Variants in BROX observed in about 807,000 individuals in gnomAD.
The protein encoded by BROX is BRO1 domain and CAAX motif containing, also known as BRO1 domain-containing protein BROX.
Under a neutral mutation model 61.0 loss-of-function variants are expected in BROX, and 53 were observed. The ratio of observed to expected loss-of-function variants is 0.87; its 90% CI spans 0.70 to 1.09. The LOEUF (loss-of-function observed/expected upper bound fraction) is 1.09. BROX is among the 50% of genes least tolerant of loss of function. The probability of loss-of-function intolerance (pLI) is 0.00; values close to 1 mark genes in which losing one functional copy is unlikely to be tolerated. For synonymous variants in BROX, 152 were observed against 160.2 expected (o/e 0.95, Z 0.38); for missense variants, 489 against 472.0 (o/e 1.04, Z -0.33).
At position 222,729,880 on chromosome 1, in the gene BROX, C is replaced by T. The variant is rs138131363; in HGVS notation, c.839-147C>T. On this transcript the variant is annotated intron_variant, in intron 10 of 12. Transcript: ENST00000340934. ...ACCTAGAACCTGTAGAAAATACACA[C>T]CTTCTACTTACAGTATTATTATTGG... 6 of 965,566 alleles carry T rather than the reference C, an allele frequency of 6.2e-6. No homozygotes were observed. In the South Asian group the frequency reaches 7.0e-5, roughly 11 times the overall value. 59.8% of individuals were successfully genotyped at this position (965,566 alleles called of 1,614,324 possible).
At position 222,712,599 on chromosome 1, in the gene BROX, C is replaced by T; in HGVS notation, c.-360C>T. 7.4e-7 allele frequency: 1 copy of T among 1,346,594 alleles called. No homozygotes were observed. Among genetic ancestry groups the T allele is most frequent in the East Asian group, 3.4e-5 (1 of 29,114 alleles). 83.4% of individuals were successfully genotyped at this position (1,346,594 alleles called of 1,614,324 possible). ...GGGCCGCCATCGCTATTGCGGCATTCTCCCTCGGCTCCGGAGGTAGGGGCA... is the reference window on the plus strand; with the variant it reads ...GGGCCGCCATCGCTATTGCGGCATTTTCCCTCGGCTCCGGAGGTAGGGGCA... On this transcript the variant is annotated 5_prime_UTR_variant, in exon 1 of 13. Transcript: ENST00000340934.
chr1:222,715,848 G>T (rs1185502383), intron 2 of BROX, 48 bp downstream of exon 2: 2 of 1,164,180 alleles, frequency 1.7e-6, no homozygotes, highest in Non-Finnish European at 2.5e-6. Context: ...ACTTTTTTTG[G>T]TTCCATGGCA....
In BROX at chr1:222,716,496, A is replaced by C. The variant is rs74666938; in HGVS notation, c.101+696A>C. On this transcript the variant is annotated intron_variant, in intron 2 of 12. Coordinates refer to ENST00000340934, the MANE Select transcript of BROX (RefSeq NM_144695.4). ...GAAATGGCCTTCAAAGTGTTCACAC[A>C]GGAAAAAGTACTTGAGATAGGCCTT... is the stretch of plus-strand genomic sequence containing the variant. 1.5e-3 allele frequency among the ~76,000 whole-genome samples: 226 copies of C among 152,392 alleles called. 6 individuals carry two copies. In the South Asian group the frequency reaches 0.021, roughly 14 times the overall value.
At chr1:222,722,870 T>C (rs1657199585) in intron 5 of BROX, among the ~76,000 whole-genome samples, 1 of 152,224 alleles carries the variant, frequency 6.6e-6, no homozygotes, top group South Asian at 2.1e-4. Context: ...TTATAACGTA[T>C]ACTCTTATAA....
At chr1:222,729,421 G>T (rs982266916) in intron 9 of BROX, among the ~76,000 whole-genome samples, 199 bp from the exon 10 acceptor site, 1 of 152,034 alleles carries the variant, frequency 6.6e-6, no homozygotes, top group Non-Finnish European at 1.5e-5. Context: ...TCAGTACATG[G>T]TTAGAAGGCT....
chr1:222,731,563 A>G (rs1311548094), intron 12 of BROX, 47 bp downstream of exon 12: 5 of 1,541,872 alleles, frequency 3.2e-6, no homozygotes, highest in Admixed American at 2.3e-5. Flanking sequence ...AAAGTTTAAA[A>G]GAAAATTCAG....
At position 222,734,508 on chromosome 1, in the gene BROX, C is replaced by T. The variant is rs770691516; in HGVS notation, c.*1794C>T. ...TCAGTGAGGTTTTTTTCTTAACATA[C>T]AGAAGTACTAAATACTGCTTGCAGT... On this transcript the variant is annotated 3_prime_UTR_variant, in exon 13 of 13. Coordinates refer to ENST00000340934, the MANE Select transcript of BROX (RefSeq NM_144695.4). The T allele has an allele frequency of 1.4e-4, 21 of 151,960 alleles. No homozygotes were observed. Among genetic ancestry groups the T allele is most frequent in the Non-Finnish European group, 2.2e-4 (15 of 67,994 alleles). 9.4% of individuals were successfully genotyped at this position (151,960 alleles called of 1,614,324 possible). A position where few individuals can be genotyped will look rare whatever the true frequency, so the allele number is the denominator to read the frequency against.
chr1:222,729,377 A>C (rs1318441223), intron 9 of BROX, among the ~76,000 whole-genome samples: 1 of 152,108 alleles, frequency 6.6e-6, no homozygotes, highest in Non-Finnish European at 1.5e-5. Flanking sequence ...CTATTTCCTA[A>C]TTTTAAATAC....
intron 5 of BROX, among the ~76,000 whole-genome samples, chr1:222,723,002 A>G (rs1486826797): frequency 6.6e-6 from 1 of 152,218 alleles, no homozygotes; most frequent in Non-Finnish European, 1.5e-5. Flanking sequence ...TTAAATAATT[A>G]TAAAAGGTGA....
At chr1:222,732,092 T>G (rs1657977470) in intron 12 of BROX, among the ~76,000 whole-genome samples, 1 of 152,200 alleles carries the variant, frequency 6.6e-6, no homozygotes, top group Admixed American at 6.5e-5. Context: ...TAATTTCCTT[T>G]CCATATTAAA....
chr1:222,718,263 G>A (rs1656788019), intron 2 of BROX, among the ~76,000 whole-genome samples: 1 of 152,152 alleles, frequency 6.6e-6, no homozygotes, highest in South Asian at 2.1e-4. Flanking sequence ...TTTCAAGAAG[G>A]AAAAGGTGGA....
At chr1:222,727,607 G>A (rs371162995) in intron 8 of BROX, among the ~76,000 whole-genome samples, 6 of 152,234 alleles carry the variant, frequency 3.9e-5, no homozygotes, top group South Asian at 2.1e-4. Flanking sequence ...GAGATTGGGC[G>A]TAGAACACAG....
chr1:222,713,909 A>G (rs528278083), intron 1 of BROX: 1 of 152,202 alleles, frequency 6.6e-6, no homozygotes, highest in South Asian at 2.1e-4. Context: ...TTGGGTACAC[A>G]CTGTATTCTC....
chr1:222,718,966 C>G lies in BROX; in HGVS notation c.143C>G (p.Thr48Ser). The G allele has an allele frequency of 6.2e-7, 1 of 1,613,884 alleles. No homozygotes were observed. The highest frequency in any genetic ancestry group is 8.5e-7 in the Non-Finnish European group (1 of 1,179,892). Residue 48 changes from threonine to serine, a missense_variant, in exon 3 of 13, where the codon ACT (threonine) becomes AGT (serine). Transcript: ENST00000340934. The stretch of plus-strand genomic sequence containing the variant: ...AGGGCACGACTCCTTGAACTGTTCA[C>G]TGATTTGAGCTGTAATCCAGAAATG... ...SSRARLLELFTDLSCNPEMMK... is the reference protein window; with the variant it reads ...SSRARLLELFSDLSCNPEMMK...
At position 222,728,743 on chromosome 1, in the gene BROX, A is replaced by G. The variant is rs1657704299; in HGVS notation, c.671A>G (p.Asp224Gly). Reference sequence around the variant, plus strand: ...TTTGCTTTTTAAAATGTAACTTTAGATCATACTTTATCCAGTTTGGAGCCT... The same window carrying G: ...TTTGCTTTTTAAAATGTAACTTTAGGTCATACTTTATCCAGTTTGGAGCCT... ...YETANFYQKA[D>G]HTLSSLEPAY... The change falls in exon 9 of 13, where the codon GAT (aspartate) becomes GGT (glycine). Residue 224 changes from aspartate (D) to glycine (G), a missense_variant and splice_region_variant. Physicochemically the swap from Asp to Gly is moderately conservative, Grantham distance 94. Coordinates refer to ENST00000340934, the MANE Select transcript of BROX (RefSeq NM_144695.4). 4 of 1,578,740 alleles carry G rather than the reference A, an allele frequency of 2.5e-6. No individual in the cohort carries two copies. The highest frequency in any genetic ancestry group is 3.5e-6 in the Non-Finnish European group (4 of 1,153,856).
At chr1:222,728,527 C>T (rs186784487) in intron 8 of BROX, among the ~76,000 whole-genome samples, 5 of 152,024 alleles carry the variant, frequency 3.3e-5, no homozygotes, top group African/African-American at 1.2e-4. Flanking sequence ...TATTAACCAT[C>T]AAATCAAAGA....
intron 4 of BROX, among the ~76,000 whole-genome samples, chr1:222,720,412 C>T (rs1656986436): frequency 6.6e-6 from 1 of 151,954 alleles, no homozygotes; most frequent in South Asian, 2.1e-4. Context: ...ATTAAAAAGA[C>T]TTTTTTAAAG....
intron 4 of BROX, 78 bp downstream of exon 4, chr1:222,719,437 T>C (rs1656899282): frequency 3.0e-6 from 3 of 1,002,662 alleles, no homozygotes; most frequent in Non-Finnish European, 4.6e-6. Flanking sequence ...ATAGCCTTTG[T>C]ATTTGGAGAA....
chr1:222,723,741 T>C (rs976613551), intron 5 of BROX, among the ~76,000 whole-genome samples: 16 of 152,266 alleles, frequency 1.1e-4, no homozygotes, highest in African/African-American at 3.6e-4. Context: ...TGCAGTGGCA[T>C]GATCTCGGCT....
Sources: gnomAD v4.1 joint callset for allele counts (sites outside exome capture counted in the v4.1 genomes callset) on GRCh38, gnomAD v4.1.1 for gene constraint, MANE v1.5 for transcripts, NCBI Gene and HGNC (gene_info 2026-07-23, HGNC 2026-07-21) for gene names.